Variants in DMD observed in about 807,000 individuals in gnomAD.
DMD encodes mutant dystrophin.
Under a neutral mutation model 330.1 loss-of-function variants are expected in DMD, and 63 were observed. The observed-to-expected ratio is 0.19, with a 90% CI of 0.16 to 0.24. The LOEUF is 0.24. Among genes scored for constraint, DMD ranks in the 10% least tolerant of loss-of-function variants. The pLI, the probability that DMD is intolerant of heterozygous loss-of-function variation, is 1.00. For synonymous variants in DMD, 1,223 were observed against 959.8 expected (o/e 1.27, Z -5.07); for missense variants, 3,344 against 2,684.1 (o/e 1.25, Z -5.43).
intron 1 of DMD, among the ~76,000 whole-genome samples, chrX:33,118,996 C>G (rs1397096291): frequency 8.9e-6 from 1 of 111,981 alleles, no homozygotes; most frequent in Non-Finnish European, 1.9e-5. Flanking sequence ...GCCTACTAAA[C>G]TGCTCATTAT....
intron 55 of DMD, chrX:31,508,109 T>C: frequency 3.1e-6 from 2 of 653,344 alleles, no homozygotes; most frequent in Non-Finnish European, 4.8e-6. Flanking sequence ...AGGTGGAAAG[T>C]ACATAGGACC....
chrX:32,364,745 G>C, intron 35 of DMD, 35 bp from the exon 36 acceptor site: 1 of 1,188,411 alleles, frequency 8.4e-7, no homozygotes, highest in South Asian at 1.8e-5. Context: ...GGCATTATTG[G>C]TTAGACAATA....
At chrX:31,370,100 A>AAC (rs1450594020) in intron 60 of DMD, among the ~76,000 whole-genome samples, 2 of 105,718 alleles carry the variant, frequency 1.9e-5, no homozygotes, top group African/African-American at 6.9e-5. Context: ...CTCCGTCTCA[A>AAC]AAAAAAAAAA....
At chrX:31,746,087 C>T (rs1020879752) in intron 51 of DMD, among the ~76,000 whole-genome samples, 1 of 112,368 alleles carries the variant, frequency 8.9e-6, no homozygotes, top group African/African-American at 3.2e-5. Flanking sequence ...GCTAACAAAA[C>T]ATTTGTTAAA....
intron 55 of DMD, among the ~76,000 whole-genome samples, chrX:31,537,131 T>G (rs775814526): frequency 3.6e-5 from 4 of 112,419 alleles, no homozygotes; most frequent in Admixed American, 2.8e-4. Flanking sequence ...GCATAAAGGT[T>G]GTCAATACCT....
At chrX:32,492,394 A>C (rs929506758) in intron 19 of DMD, among the ~76,000 whole-genome samples, 1 of 112,640 alleles carries the variant, frequency 8.9e-6, no homozygotes, top group African/African-American at 3.2e-5. Context: ...AATCTTTCTA[A>C]TGTGAAACAT....
chrX:33,208,369 G>A (rs1471915091), intron 1 of DMD, among the ~76,000 whole-genome samples: 1 of 111,306 alleles, frequency 9.0e-6, no homozygotes, highest in Non-Finnish European at 1.9e-5. Context: ...TTCATACAGA[G>A]GTGATTTCCC....
At chrX:33,170,201 G>A (rs183206593) in intron 1 of DMD, among the ~76,000 whole-genome samples, 40 of 111,189 alleles carry the variant, frequency 3.6e-4, no homozygotes, top group African/African-American at 9.1e-4. Context: ...GGGCTTTGCC[G>A]TTCCCAAGTA....
chrX:33,100,975 G>A (rs5927142), intron 1 of DMD, among the ~76,000 whole-genome samples: 44,926 of 110,403 alleles, frequency 0.41, 7,537 homozygotes, highest in Non-Finnish European at 0.52. Flanking sequence ...CTAGGAAGCT[G>A]CTGGAAGAGA....
chrX:31,378,484 C>T (rs2059996474), intron 60 of DMD, among the ~76,000 whole-genome samples: 1 of 111,530 alleles, frequency 9.0e-6, no homozygotes, highest in East Asian at 2.8e-4. Flanking sequence ...ACCCAAAACT[C>T]CGGCACCGGT....
At chrX:33,228,686 C>T (rs955238625) in intron 1 of DMD, among the ~76,000 whole-genome samples, 6 of 107,870 alleles carry the variant, frequency 5.6e-5, no homozygotes, top group Non-Finnish European at 7.7e-5. Context: ...ACCTATATTC[C>T]CCATTTAAAA....
At chrX:31,370,098 C>CAAAAAAAAAAAAAAAA (rs59989996) in intron 60 of DMD, among the ~76,000 whole-genome samples, 1 of 59,327 alleles carries the variant, frequency 1.7e-5, no homozygotes, top group African/African-American at 7.9e-5. Context: ...GGCTCCGTCT[C>CAAAAAAAAAAAAAAAA]AAAAAAAAAA....
chrX:32,441,136 T>C (rs1296355278), intron 28 of DMD, 44 bp downstream of exon 28: 2 of 1,183,273 alleles, frequency 1.7e-6, no homozygotes, highest in African/African-American at 1.7e-5. Context: ...CCTCTTTTAA[T>C]ACTGCATATA....
chrX:32,053,863 G>C (rs986908293), intron 44 of DMD, among the ~76,000 whole-genome samples: 13 of 110,498 alleles, frequency 1.2e-4, no homozygotes, highest in African/African-American at 4.3e-4. Context: ...CCTCTCCCTA[G>C]TTCTGTAAAC....
At chrX:33,098,120 A>T (rs1467794479) in intron 1 of DMD, among the ~76,000 whole-genome samples, 1 of 111,858 alleles carries the variant, frequency 8.9e-6, no homozygotes, top group Non-Finnish European at 1.9e-5. Flanking sequence ...AATACAGCAT[A>T]TTTGGACTGC....
chrX:32,076,727 C>T (rs1473999944), intron 44 of DMD, among the ~76,000 whole-genome samples: 3 of 111,213 alleles, frequency 2.7e-5, no homozygotes, highest in Non-Finnish European at 5.7e-5. Context: ...TCTAGGAAGA[C>T]ATTATTACAT....
chrX:31,773,597 A>T (rs2090466397), intron 51 of DMD, among the ~76,000 whole-genome samples: 1 of 111,407 alleles, frequency 9.0e-6, no homozygotes, highest in African/African-American at 3.3e-5. Context: ...TGGGCTGCGT[A>T]GTGCCAAAAC....
chrX:32,370,218 TG>T (rs1438542967), intron 34 of DMD, among the ~76,000 whole-genome samples: 2 of 64,337 alleles, frequency 3.1e-5, no homozygotes, highest in Non-Finnish European at 6.4e-5. Context: ...AAAGTGGTAG[TG>T]TTTTTTTTTT....
chrX:31,174,510 A>C (rs1244988398), intron 71 of DMD, among the ~76,000 whole-genome samples: 1 of 111,324 alleles, frequency 9.0e-6, no homozygotes, highest in Non-Finnish European at 1.9e-5. Flanking sequence ...TCTGAAAACC[A>C]GTTTAGGCTT....
Sources: allele counts gnomAD v4.1 joint callset (sites outside exome capture counted in the v4.1 genomes callset), GRCh38; gene constraint gnomAD v4.1.1; transcripts MANE v1.5; gene names NCBI Gene and HGNC (gene_info 2026-07-23, HGNC 2026-07-21).